Variants in ADGRD1 observed in about 807,000 individuals in gnomAD.
ADGRD1 encodes the protein adhesion G protein-coupled receptor D1.
A neutral mutation model predicts 113.4 loss-of-function variants in ADGRD1; 77 were observed. The observed-to-expected ratio is 0.68, with a 90% CI of 0.57 to 0.82. The LOEUF is 0.82. Among genes scored for constraint, ADGRD1 ranks in the 40% least tolerant of loss-of-function variants. The probability of loss-of-function intolerance (pLI) is 0.00; values close to 1 mark genes in which losing one functional copy is unlikely to be tolerated. For synonymous variants in ADGRD1, 474 were observed against 475.0 expected (o/e 1.00, Z 0.03); for missense variants, 1,036 against 1,139.1 (o/e 0.91, Z 1.30).
At chr12:131,004,408 G>GGGCCGCCTGCGGTGCTCCCCCT in intron 11 of ADGRD1, 112 bp downstream of exon 11, 1 of 827,308 alleles carries the variant, frequency 1.2e-6, no homozygotes, top group Non-Finnish European at 2.0e-6. Context: ...GTGCTCCCCC[G>GGGCCGCCTGCGGTGCTCCCCCT]GGCCGCCTGC....
Position 130,971,698 on chromosome 12 carries a change from A to C in ADGRD1, c.310+118A>C. On this transcript the variant is annotated intron_variant, in intron 4 of 24. Coordinates refer to ENST00000261654, the MANE Select transcript of ADGRD1 (RefSeq NM_198827.5). This position sits in a 1 kb window ranked among gnomAD's most constrained non-coding sequence, Gnocchi z 4.2. ...TCTCATCAATTGCAGAATGCGTGAG[A>C]ATGTCAACGATGGATCGGAGGGCAG... 5 of 1,051,700 alleles carry C rather than the reference A, an allele frequency of 4.8e-6. No homozygotes were observed. Among genetic ancestry groups the C allele is most frequent in the Non-Finnish European group, 6.7e-6 (5 of 742,352 alleles). The allele number at this position is 1,051,700 out of a possible 1,614,324, so 65.1% of individuals were successfully genotyped here.
intron 22 of ADGRD1, 47 bp from the exon 23 acceptor site, chr12:131,136,926 T>C (rs760619438): frequency 8.7e-6 from 13 of 1,487,076 alleles, no homozygotes; most frequent in Non-Finnish European, 1.2e-5. Flanking sequence ...TGTTCCTAAC[T>C]ACGTGCAAAG....
chr12:131,002,823 G>T (rs556479026), intron 9 of ADGRD1: 5 of 1,235,864 alleles, frequency 4.0e-6, no homozygotes, highest in Non-Finnish European at 5.2e-6. Context: ...GCCCCTCCTC[G>T]TGAAGCACAG....
In ADGRD1 at chr12:131,126,014, G is replaced by A. The variant is rs145585081; in HGVS notation, c.2175+5101G>A. ...TATTACTCGAACCTTCCTAAGTTAG[G>A]AACTGCCTGTAGATACATGTAGATA... On this transcript the variant is annotated intron_variant, in intron 20 of 24. Coordinates refer to ENST00000261654, the MANE Select transcript of ADGRD1 (RefSeq NM_198827.5). Among the ~76,000 whole-genome samples, 851 of 152,290 alleles carry A rather than the reference G, an allele frequency of 5.6e-3. 3 individuals are homozygous for A. The highest frequency in any genetic ancestry group is 8.6e-3 in the Non-Finnish European group (587 of 68,024).
chr12:131,108,122 C>T (rs1177134642), intron 17 of ADGRD1, among the ~76,000 whole-genome samples: 2 of 152,192 alleles, frequency 1.3e-5, no homozygotes, highest in Non-Finnish European at 2.9e-5. Flanking sequence ...TTCCCAAGGC[C>T]CTGCCTTTCT....
chr12:130,959,421 T>C (rs2136470992), intron 2 of ADGRD1, among the ~76,000 whole-genome samples: 1 of 152,116 alleles, frequency 6.6e-6, no homozygotes, highest in South Asian at 2.1e-4. Context: ...AAAATAAACA[T>C]TCAGCTGAGC....
At chr12:130,996,169 G>A (rs1875295339) in intron 8 of ADGRD1, among the ~76,000 whole-genome samples, 1 of 149,796 alleles carries the variant, frequency 6.7e-6, no homozygotes, top group Admixed American at 6.6e-5. Context: ...AGTCTCCCAT[G>A]TCTACTTCTT....
At chr12:131,124,397 T>C (rs1041159483) in intron 20 of ADGRD1, among the ~76,000 whole-genome samples, 14 of 151,936 alleles carry the variant, frequency 9.2e-5, no homozygotes, top group Admixed American at 5.9e-4. Flanking sequence ...GTTTGGGGAG[T>C]ATGTGCTTCA....
At chr12:130,988,312 C>A (rs1873942843) in intron 6 of ADGRD1, 1 of 150,600 alleles carries the variant, frequency 6.6e-6, no homozygotes, top group Non-Finnish European at 1.5e-5. Context: ...ACCATTTTTT[C>A]CCCAATGGGT....
intron 13 of ADGRD1, among the ~76,000 whole-genome samples, chr12:131,046,227 G>GTTCA (rs1882729560): frequency 7.4e-6 from 1 of 135,778 alleles, no homozygotes; most frequent in Non-Finnish European, 1.5e-5. Context: ...TGTCCTCCCT[G>GTTCA]GTCAGTGCTC....
At chr12:131,121,634 T>C (rs1950597351) in intron 20 of ADGRD1, among the ~76,000 whole-genome samples, 1 of 152,092 alleles carries the variant, frequency 6.6e-6, no homozygotes, top group South Asian at 2.1e-4. Flanking sequence ...CCCTCCTCTG[T>C]CTCCCAAAGT....
intron 23 of ADGRD1, among the ~76,000 whole-genome samples, chr12:131,137,280 G>C (rs886180780): frequency 6.6e-6 from 1 of 152,222 alleles, no homozygotes; most frequent in African/African-American, 2.4e-5. Context: ...AGATGTAGGC[G>C]TGCTCCCCAC....
At chr12:131,031,650 C>T (rs1480295049) in intron 13 of ADGRD1, among the ~76,000 whole-genome samples, 1 of 145,102 alleles carries the variant, frequency 6.9e-6, no homozygotes, top group East Asian at 1.9e-4. Flanking sequence ...GTTCTGGGGC[C>T]CCTCTCCACC....
chr12:131,058,687 C>T (rs369505711), intron 13 of ADGRD1, among the ~76,000 whole-genome samples: 2 of 152,266 alleles, frequency 1.3e-5, no homozygotes, highest in Admixed American at 6.5e-5. Context: ...TGAGAGAGGC[C>T]GCTCCCTTCC....
At chr12:131,054,126 C>CA (rs550744435) in intron 13 of ADGRD1, among the ~76,000 whole-genome samples, 63 of 152,294 alleles carry the variant, frequency 4.1e-4, no homozygotes, top group African/African-American at 1.5e-3. Flanking sequence ...AACAAAAACA[C>CA]ACTTACTGAG....
Position 131,108,895 on chromosome 12 carries a change from G to C in ADGRD1, c.2041+18G>C, listed in dbSNP as rs1950291932. 6.5e-7 allele frequency: 1 copy of C among 1,533,854 alleles called. No individual in the cohort carries two copies. Among genetic ancestry groups the C allele is most frequent in the Non-Finnish European group, 9.0e-7 (1 of 1,114,760 alleles). On this transcript the variant is annotated intron_variant, in intron 18 of 24. Coordinates refer to ENST00000261654, the MANE Select transcript of ADGRD1 (RefSeq NM_198827.5). ...GGGATGGGGTAGGTGGGGCAGGGCA[G>C]GTGGGATGGCGGGGCGGGAGGGACA...
rs1886331192 is a variant in ADGRD1, at chr12:131,084,708, A to G, written c.1671+45A>G. 6.2e-7 allele frequency: 1 copy of G among 1,604,002 alleles called. No individual in the cohort carries two copies. Among genetic ancestry groups the G allele is most frequent in the Non-Finnish European group, 8.5e-7 (1 of 1,175,166 alleles). On this transcript the variant is annotated intron_variant, in intron 15 of 24. Coordinates refer to ENST00000261654, the MANE Select transcript of ADGRD1 (RefSeq NM_198827.5). This position sits in a 1 kb window ranked among gnomAD's most constrained non-coding sequence, Gnocchi z 4.5. ...GGTCGCGGGACCTGGGGGACGTACC[A>G]TGAGGCTGCAGGTGGGGGCGGGAGG...
chr12:131,046,492 T>TC (rs1882806216), intron 13 of ADGRD1, among the ~76,000 whole-genome samples: 1 of 121,708 alleles, frequency 8.2e-6, no homozygotes, highest in Admixed American at 8.3e-5. Context: ...CTGGTCAGTG[T>TC]CCTCCCTGGT....
intron 15 of ADGRD1, among the ~76,000 whole-genome samples, chr12:131,104,031 T>C (rs536337690): frequency 4.6e-5 from 7 of 152,246 alleles, no homozygotes; most frequent in Admixed American, 6.5e-5. Flanking sequence ...GTCGGTGAAC[T>C]GCGGCTTCGG....
Sources: allele counts gnomAD v4.1 joint callset (sites outside exome capture counted in the v4.1 genomes callset), GRCh38; gene constraint gnomAD v4.1.1; non-coding constraint Gnocchi (gnomAD v3.1); transcripts MANE v1.5; gene names NCBI Gene and HGNC (gene_info 2026-07-23, HGNC 2026-07-21).